The following RGS21 variants were observed in gnomAD, a reference collection of about 807,000 sequenced individuals.
RGS21 encodes regulator of G-protein signalling 21.
In RGS21, 19 loss-of-function variants were observed where a neutral mutation model predicts 18.7. That is an observed-to-expected ratio of 1.01 (90% CI 0.71 to 1.49). The LOEUF (loss-of-function observed/expected upper bound fraction) is 1.49, where lower values mean the gene tolerates loss of function less well. RGS21 is among the 40% of genes most tolerant of loss of function. The pLI, the probability that RGS21 is intolerant of heterozygous loss-of-function variation, is 0.00. For synonymous variants in RGS21, 56 were observed against 57.8 expected, an observed-to-expected ratio of 0.97 and a Z score of 0.14; for missense variants, 194 against 176.8, an observed-to-expected ratio of 1.10 and a Z score of -0.55.
chr1:192,320,965 T>C (rs1264873248), intron 1 of RGS21, among the ~76,000 whole-genome samples: 1 of 152,018 alleles, frequency 6.6e-6, no homozygotes, highest in Non-Finnish European at 1.5e-5. Flanking sequence ...ATTAGCATAT[T>C]TTTAAAGGAT....
At chr1:192,321,889 C>T (rs1050739259) in intron 1 of RGS21, among the ~76,000 whole-genome samples, 3 of 151,924 alleles carry the variant, frequency 2.0e-5, no homozygotes, top group Non-Finnish European at 4.4e-5. Flanking sequence ...AAATAAAAAA[C>T]AGCTAAAAAC....
chr1:192,334,455 A>C (rs1027784226), intron 1 of RGS21, among the ~76,000 whole-genome samples: 2 of 152,180 alleles, frequency 1.3e-5, no homozygotes, highest in African/African-American at 2.4e-5. Flanking sequence ...AGGAAGAATT[A>C]GATCTTTTCA....
chr1:192,362,695 T>C (rs1036004291), intron 4 of RGS21, among the ~76,000 whole-genome samples: 2 of 152,122 alleles, frequency 1.3e-5, no homozygotes, highest in Non-Finnish European at 2.9e-5. Flanking sequence ...AGTTCCTTGG[T>C]AGGAAAATAG....
intron 4 of RGS21, among the ~76,000 whole-genome samples, chr1:192,360,534 G>C (rs1179000624): frequency 1.3e-5 from 2 of 151,930 alleles, no homozygotes; most frequent in African/African-American, 4.8e-5. Flanking sequence ...TGATCTCCTG[G>C]TGTGGTATCC....
At chr1:192,355,438 A>G (rs1659097236) in intron 4 of RGS21, among the ~76,000 whole-genome samples, 2 of 151,628 alleles carry the variant, frequency 1.3e-5, no homozygotes, top group Admixed American at 6.6e-5. Flanking sequence ...AAACGTGAAC[A>G]CTTATTATAA....
At chr1:192,320,917 C>T (rs894889277) in intron 1 of RGS21, among the ~76,000 whole-genome samples, 8 of 151,896 alleles carry the variant, frequency 5.3e-5, no homozygotes, top group African/African-American at 1.9e-4. Flanking sequence ...TAAGGATTTA[C>T]AAAACTTTGA....
intron 1 of RGS21, among the ~76,000 whole-genome samples, chr1:192,336,192 C>G (rs768350691): frequency 6.6e-6 from 1 of 152,172 alleles, no homozygotes; most frequent in East Asian, 1.9e-4. Context: ...CAGTGGCTCA[C>G]GCCTGCAATC....
chr1:192,358,600 G>C (rs1293983759), intron 4 of RGS21, among the ~76,000 whole-genome samples: 5 of 151,980 alleles, frequency 3.3e-5, no homozygotes, highest in African/African-American at 9.7e-5. Context: ...ACTTATGCAT[G>C]CACACACCCT....
At chr1:192,329,688 A>G (rs919059908) in intron 1 of RGS21, among the ~76,000 whole-genome samples, 3 of 152,146 alleles carry the variant, frequency 2.0e-5, no homozygotes, top group Non-Finnish European at 4.4e-5. Flanking sequence ...ACTGTAGTCA[A>G]ATCTTTGTGC....
At chr1:192,355,023 T>C (rs1252957378) in intron 4 of RGS21, among the ~76,000 whole-genome samples, 1 of 151,666 alleles carries the variant, frequency 6.6e-6, no homozygotes, top group African/African-American at 2.4e-5. Context: ...TAATTTCAGC[T>C]GGATTTTATG....
chr1:192,330,044 A>G (rs1252018675), intron 1 of RGS21, among the ~76,000 whole-genome samples: 1 of 152,182 alleles, frequency 6.6e-6, no homozygotes, highest in Admixed American at 6.5e-5. Context: ...TTATATATCA[A>G]CTGGTATTGT....
chr1:192,330,608 A>G (rs1658632938), intron 1 of RGS21, among the ~76,000 whole-genome samples: 1 of 152,166 alleles, frequency 6.6e-6, no homozygotes, highest in African/African-American at 2.4e-5. Context: ...CTCTTCTAAG[A>G]TATGTAGGAT....
chr1:192,319,669 T>C (rs1262489097), intron 1 of RGS21, among the ~76,000 whole-genome samples: 1 of 152,134 alleles, frequency 6.6e-6, no homozygotes, highest in African/African-American at 2.4e-5. Context: ...ATTGTGATTA[T>C]TCAGGCTACT....
In RGS21 at chr1:192,360,027, A is replaced by T. The variant is rs115823428; in HGVS notation, c.256-5894A>T. Among the ~76,000 whole-genome samples the T allele has an allele frequency of 6.2e-3, 946 of 151,772 alleles. 8 individuals carry two copies. Among genetic ancestry groups the T allele is most frequent in the African/African-American group, 0.02 (821 of 41,388 alleles). On this transcript the variant is annotated intron_variant, in intron 4 of 4. Transcript: ENST00000417209. ...CTCCCCTACTGATTGCCCTTTCACC[A>T]TTTCTTTTCCTGTTCCTACTCATAA...
intron 1 of RGS21, among the ~76,000 whole-genome samples, chr1:192,328,793 G>A (rs1349721589): frequency 6.6e-6 from 1 of 152,026 alleles, no homozygotes; most frequent in African/African-American, 2.4e-5. Flanking sequence ...TGGATAAGGA[G>A]AAATAACCCT....
intron 3 of RGS21, among the ~76,000 whole-genome samples, chr1:192,349,088 T>C (rs965762489): frequency 3.3e-5 from 5 of 152,152 alleles, no homozygotes; most frequent in Admixed American, 1.3e-4. Flanking sequence ...ATTTCCTTTC[T>C]CCTTAAGTGT....
chr1:192,342,096 C>T (rs140582439), intron 1 of RGS21, among the ~76,000 whole-genome samples: 16 of 152,040 alleles, frequency 1.1e-4, no homozygotes, highest in East Asian at 9.7e-4. Context: ...GGCATTTCCA[C>T]GGTAAGTCAA....
intron 4 of RGS21, among the ~76,000 whole-genome samples, chr1:192,359,166 A>C (rs1009877966): frequency 2.0e-5 from 3 of 152,136 alleles, no homozygotes. Flanking sequence ...CAAATAAAAT[A>C]TTATGTTTCA....
At chr1:192,320,882 G>T (rs1214668746) in intron 1 of RGS21, among the ~76,000 whole-genome samples, 1 of 151,844 alleles carries the variant, frequency 6.6e-6, no homozygotes, top group South Asian at 2.1e-4. Flanking sequence ...AACAAAAAAA[G>T]ATTCTAAACA....
Sources: gnomAD v4.1 joint callset for allele counts (sites outside exome capture counted in the v4.1 genomes callset) on GRCh38, gnomAD v4.1.1 for gene constraint, MANE v1.5 for transcripts, NCBI Gene and HGNC (gene_info 2026-07-23, HGNC 2026-07-21) for gene names.